Variants in ADGRL2 observed in about 807,000 individuals in gnomAD.
The protein encoded by ADGRL2 is calcium-independent alpha-latrotoxin receptor 2.
Under a neutral mutation model 157.4 loss-of-function variants are expected in ADGRL2, and 44 were observed. That is an observed-to-expected ratio of 0.28 (90% confidence interval 0.22 to 0.36). The LOEUF (loss-of-function observed/expected upper bound fraction) is 0.36. Ranked by LOEUF, ADGRL2 falls within the 10% of genes least tolerant of loss-of-function variation. ADGRL2 has a pLI of 1.00. For synonymous variants in ADGRL2, 585 were observed against 624.7 expected (o/e 0.94, Z 0.95); for missense variants, 1,510 against 1,768.9 (o/e 0.85, Z 2.63).
At chr1:81,673,765 CCTCGGCCTCCCAA>C (rs2082925968) in intron 3 of ADGRL2, among the ~76,000 whole-genome samples, 1 of 152,140 alleles carries the variant, frequency 6.6e-6, no homozygotes, top group East Asian at 1.9e-4. Flanking sequence ...GATCTGCCCG[CCTCGGCCTCCCAA>C]AGTTCTGGGA....
intron 1 of ADGRL2, among the ~76,000 whole-genome samples, chr1:81,329,649 A>G (rs184222322): frequency 1.3e-5 from 2 of 152,312 alleles, no homozygotes; most frequent in Admixed American, 1.3e-4. Flanking sequence ...CTAAATATAA[A>G]GTACAATTTT....
intron 3 of ADGRL2, among the ~76,000 whole-genome samples, chr1:81,926,096 A>G (rs1432250229): frequency 6.6e-6 from 1 of 152,004 alleles, no homozygotes; most frequent in Non-Finnish European, 1.5e-5. Context: ...ATTTGTGGAA[A>G]AGAAGAGCCA....
intron 17 of ADGRL2, among the ~76,000 whole-genome samples, chr1:81,976,198 T>A (rs894638185): frequency 2.0e-5 from 3 of 152,020 alleles, no homozygotes; most frequent in African/African-American, 7.2e-5. Flanking sequence ...TATGTATTGG[T>A]GAAATTTTTT....
At chr1:81,843,952 T>C (rs2092693958) in intron 2 of ADGRL2, among the ~76,000 whole-genome samples, 2 of 152,148 alleles carry the variant, frequency 1.3e-5, no homozygotes, top group Admixed American at 1.3e-4. Context: ...ACAGTCTTCG[T>C]TGATTCACCA....
intron 1 of ADGRL2, among the ~76,000 whole-genome samples, chr1:81,345,748 GA>G (rs982541506): frequency 2.6e-5 from 4 of 152,046 alleles, no homozygotes; most frequent in Admixed American, 6.6e-5. Flanking sequence ...GAAAGAAGTG[GA>G]AAGGAAGAAA....
chr1:81,452,502 A>G (rs2077720578), intron 2 of ADGRL2, among the ~76,000 whole-genome samples: 1 of 152,212 alleles, frequency 6.6e-6, no homozygotes, highest in African/African-American at 2.4e-5. Context: ...TGAATAAATA[A>G]TATCATTCAA....
At chr1:81,935,465 C>T (rs1036951532) in intron 3 of ADGRL2, among the ~76,000 whole-genome samples, 1 of 151,856 alleles carries the variant, frequency 6.6e-6, no homozygotes, top group Non-Finnish European at 1.5e-5. Context: ...AAGAGAAAGT[C>T]TAGTTTTGAG....
At position 81,389,100 on chromosome 1, in the gene ADGRL2, C is replaced by T. The variant is rs531097830; in HGVS notation, c.-301-55936C>T. ...CTTTTCATTGATTTTGTCCTGTAGA[C>T]TTTACTATATTGTCATCCCTTAGAT... On this transcript the variant is annotated intron_variant, in intron 1 of 24. Coordinates refer to the ADGRL2 transcript ENST00000370721. Among the ~76,000 whole-genome samples, 3 of 152,242 alleles carry T rather than the reference C, an allele frequency of 2.0e-5. No individual in the cohort carries two copies. In the East Asian group the frequency reaches 5.8e-4, roughly 29 times the overall value.
intron 2 of ADGRL2, among the ~76,000 whole-genome samples, chr1:81,461,258 G>A (rs752461899): frequency 6.6e-6 from 1 of 151,956 alleles, no homozygotes; most frequent in Non-Finnish European, 1.5e-5. Flanking sequence ...AGCAGTAAAA[G>A]CTTTCTTTTT....
At position 81,856,408 on chromosome 1, in the gene ADGRL2, G is replaced by A. The variant is rs118040784; in HGVS notation, c.73+19351G>A. On this transcript the variant is annotated intron_variant, in intron 2 of 23. Coordinates refer to ENST00000686636, the MANE Select transcript of ADGRL2 (RefSeq NM_001366006.2). ...TATGGGCTTCTTCTTTTTGTATGAA[G>A]CCACAGCCTACATTGGTCTGAGGAT... Among the ~76,000 whole-genome samples, 110 of 152,214 alleles carry A rather than the reference G, an allele frequency of 7.2e-4. 4 individuals are homozygous for A. In the East Asian group the frequency reaches 0.02, roughly 27 times the overall value.
chr1:81,653,680 A>G (rs2082470617), intron 3 of ADGRL2, among the ~76,000 whole-genome samples: 1 of 152,150 alleles, frequency 6.6e-6, no homozygotes, highest in African/African-American at 2.4e-5. Context: ...TATCTTTTTT[A>G]ATGTACAGAA....
chr1:81,506,781 AC>A (rs1214301448), intron 2 of ADGRL2, among the ~76,000 whole-genome samples: 1 of 152,194 alleles, frequency 6.6e-6, no homozygotes, highest in Non-Finnish European at 1.5e-5. Context: ...TTGTTGAGTT[AC>A]CAAAGGCCCT....
At chr1:81,441,995 G>A (rs901924784) in intron 1 of ADGRL2, among the ~76,000 whole-genome samples, 5 of 152,008 alleles carry the variant, frequency 3.3e-5, no homozygotes, top group East Asian at 3.9e-4. Flanking sequence ...TACCATGCCT[G>A]GTTAATTTTT....
At chr1:81,925,837 A>G (rs978060888) in intron 3 of ADGRL2, among the ~76,000 whole-genome samples, 1 of 152,090 alleles carries the variant, frequency 6.6e-6, no homozygotes, top group Non-Finnish European at 1.5e-5. Flanking sequence ...TCAGAGATTT[A>G]TAATACTGAC....
intron 2 of ADGRL2, among the ~76,000 whole-genome samples, chr1:81,897,198 A>T (rs2151545428): frequency 6.6e-6 from 1 of 152,206 alleles, no homozygotes; most frequent in East Asian, 1.9e-4. Context: ...GTTGCCTAAC[A>T]GAAAAATGAG....
At chr1:81,510,041 A>G (rs1225018591) in intron 2 of ADGRL2, among the ~76,000 whole-genome samples, 1 of 152,166 alleles carries the variant, frequency 6.6e-6, no homozygotes, top group Non-Finnish European at 1.5e-5. Flanking sequence ...TCCAACAAAT[A>G]CCGCTGTTAG....
intron 2 of ADGRL2, among the ~76,000 whole-genome samples, chr1:81,534,068 ATG>A (rs2079672122): frequency 6.6e-6 from 1 of 152,244 alleles, no homozygotes; most frequent in South Asian, 2.1e-4. Flanking sequence ...GTTTATTAAA[ATG>A]TGGGTGTCAT....
intron 1 of ADGRL2, among the ~76,000 whole-genome samples, chr1:81,398,328 C>T (rs187104180): frequency 6.6e-6 from 1 of 152,222 alleles, no homozygotes; most frequent in East Asian, 1.9e-4. Context: ...TAGGTGAGGA[C>T]TTACTCCTGT....
intron 2 of ADGRL2, among the ~76,000 whole-genome samples, chr1:81,877,141 A>T (rs1330459268): frequency 6.6e-6 from 1 of 152,140 alleles, no homozygotes; most frequent in African/African-American, 2.4e-5. Flanking sequence ...TCTCACTTCA[A>T]GGTGGCATAA....
Sources: gnomAD v4.1 joint callset for allele counts (sites outside exome capture counted in the v4.1 genomes callset) on GRCh38, gnomAD v4.1.1 for gene constraint, MANE v1.5 for transcripts, NCBI Gene and HGNC (gene_info 2026-07-23, HGNC 2026-07-21) for gene names.